The following MYPN variants were observed in gnomAD, a reference collection of about 807,000 sequenced individuals.
MYPN encodes the protein myopalladin.
MYPN carries 63 observed loss-of-function variants against 129.4 expected under a neutral mutation model. The observed-to-expected ratio is 0.49, with a 90% CI of 0.40 to 0.60. The LOEUF is 0.60. Among genes scored for constraint, MYPN ranks in the 20% least tolerant of loss-of-function variants. The probability of loss-of-function intolerance (pLI) is 0.00; values close to 1 mark genes in which losing one functional copy is unlikely to be tolerated. For missense variants in MYPN, 1,596 were observed against 1,635.4 expected (o/e 0.98, Z 0.42); for synonymous variants, 629 against 600.9 (o/e 1.05, Z -0.68).
chr10:68,119,430 GAC>G (rs2042208621), intron 1 of MYPN, among the ~76,000 whole-genome samples: 1 of 104,530 alleles, frequency 9.6e-6, no homozygotes, highest in Non-Finnish European at 2.1e-5. Flanking sequence ...TATTTATTGA[GAC>G]AGAGTTTTGC....
intron 6 of MYPN, among the ~76,000 whole-genome samples, chr10:68,152,701 T>C (rs1194085157): frequency 2.6e-5 from 4 of 152,182 alleles, no homozygotes; most frequent in Non-Finnish European, 5.9e-5. Flanking sequence ...AATGGCATGA[T>C]CTCAGCTCAC....
chr10:68,194,274 C>A, intron 13 of MYPN, 89 bp from the exon 14 acceptor site: 1 of 1,367,452 alleles, frequency 7.3e-7, no homozygotes, highest in Non-Finnish European at 1.0e-6. Flanking sequence ...TAAAAGATGG[C>A]AGTTGGCCCT....
In MYPN at chr10:68,200,986, C is replaced by T; in HGVS notation, c.3494-843C>T. Among the ~76,000 whole-genome samples, 2 of 152,104 alleles carry T rather than the reference C, an allele frequency of 1.3e-5. 1 individual carries two copies. The highest frequency in any genetic ancestry group is 3.8e-4 in the East Asian group (2 of 5,200). The stretch of plus-strand genomic sequence containing the variant: ...TTTGGAACCCTAAGACATGAGGTAC[C>T]TTTACCTAAATTTGTCCTGGCCAAA... On this transcript the variant is annotated intron_variant, in intron 17 of 19. Coordinates refer to ENST00000358913, the MANE Select transcript of MYPN (RefSeq NM_032578.4).
intron 2 of MYPN, among the ~76,000 whole-genome samples, chr10:68,138,070 A>G (rs899022037): frequency 2.7e-5 from 4 of 150,740 alleles, no homozygotes; most frequent in Admixed American, 2.6e-4. Context: ...CATCAAGGAC[A>G]TTTTTTGGTG....
intron 1 of MYPN, among the ~76,000 whole-genome samples, chr10:68,116,080 T>C (rs2042152508): frequency 2.6e-5 from 4 of 152,194 alleles, no homozygotes; most frequent in Admixed American, 2.6e-4. Flanking sequence ...TCCATTAGGA[T>C]AGAGACTTTG....
rs545419806 is a variant in MYPN at position 68,131,218 on chromosome 10, G to A, written c.902+8878G>A. ...AGCCTGGCCAACATGGTGAAACCCC[G>A]TCTCTACCAAAAATACAAAAATTAG... is the stretch of plus-strand genomic sequence containing the variant. On this transcript the variant is annotated intron_variant, in intron 2 of 19. Transcript: ENST00000358913. Among the ~76,000 whole-genome samples, 12 of 152,066 alleles carry A rather than the reference G, an allele frequency of 7.9e-5. No individual in the cohort carries two copies. In the South Asian group the frequency reaches 2.1e-3, roughly 26 times the overall value.
rs555733630 is a variant in MYPN at position 68,131,159 on chromosome 10, C to T, written c.902+8819C>T. Among the ~76,000 whole-genome samples, 39 of 152,136 alleles carry T rather than the reference C, an allele frequency of 2.6e-4. 1 individual carries two copies. The highest frequency in any genetic ancestry group is 7.7e-4 in the African/African-American group (32 of 41,508). ...ATCCCAGCACTTTGGGAGGCCAAGGCGGGCAGATCACTTGAGGTCAGGAGT... is the reference window on the plus strand; with the variant it reads ...ATCCCAGCACTTTGGGAGGCCAAGGTGGGCAGATCACTTGAGGTCAGGAGT... On this transcript the variant is annotated intron_variant, in intron 2 of 19. Coordinates refer to ENST00000358913, the MANE Select transcript of MYPN (RefSeq NM_032578.4).
intron 12 of MYPN, among the ~76,000 whole-genome samples, chr10:68,175,729 C>G (rs576933451): frequency 6.6e-6 from 1 of 152,046 alleles, no homozygotes; most frequent in Non-Finnish European, 1.5e-5. Flanking sequence ...CAATCTATTG[C>G]GCATCCCAGC....
upstream of MYPN, among the ~76,000 whole-genome samples, chr10:68,104,659 T>C (rs1006559918): frequency 2.0e-5 from 3 of 152,236 alleles, no homozygotes; most frequent in African/African-American, 7.2e-5. Context: ...TCACTTCTTT[T>C]TGTTTGCTTA....
chr10:68,105,678 C>T (rs929891222), upstream of MYPN, among the ~76,000 whole-genome samples: 1 of 152,096 alleles, frequency 6.6e-6, no homozygotes, highest in African/African-American at 2.4e-5. Context: ...AATTTAATCA[C>T]CTTAAAATTA....
intron 4 of MYPN, among the ~76,000 whole-genome samples, chr10:68,145,934 CT>C (rs2134078917): frequency 6.6e-6 from 1 of 152,272 alleles, no homozygotes; most frequent in Admixed American, 6.5e-5. Flanking sequence ...TCTCTCCTGC[CT>C]TTTATGCCAA....
At chr10:68,104,214 A>T (rs1000817674), upstream of MYPN, among the ~76,000 whole-genome samples, 2 of 152,174 alleles carry the variant, frequency 1.3e-5, no homozygotes, top group Non-Finnish European at 2.9e-5. Context: ...TACCTGGGTC[A>T]TGAGTAAGAA....
rs780000855 is a variant in MYPN, at chr10:68,174,646, G to A, written c.2554G>A (p.Ala852Thr). 4 of 1,613,944 alleles carry A rather than the reference G, an allele frequency of 2.5e-6. No individual in the cohort carries two copies. Among genetic ancestry groups the A allele is most frequent in the Non-Finnish European group, 3.4e-6 (4 of 1,179,944 alleles). The change falls in exon 11 of 20, where the codon GCA becomes ACA. Residue 852 changes from alanine (A) to threonine (T), a missense_variant. Coordinates refer to ENST00000358913, the MANE Select transcript of MYPN (RefSeq NM_032578.4). ...PTNAMGLPRSAPSMPSQGLAK... is the reference protein window; with the variant it reads ...PTNAMGLPRSTPSMPSQGLAK... ...AAATGCCATGGGGCTGCCTAGAAGT[G>A]CACCATCCATGTAAGTGTCATTGAG...
intron 12 of MYPN, among the ~76,000 whole-genome samples, chr10:68,176,259 T>A (rs2043226006): frequency 6.6e-6 from 1 of 152,226 alleles, no homozygotes; most frequent in African/African-American, 2.4e-5. Context: ...CCTGTGAGCA[T>A]CATTCAAACA....
At chr10:68,156,621 A>G (rs1485040423) in intron 6 of MYPN, among the ~76,000 whole-genome samples, 2 of 152,212 alleles carry the variant, frequency 1.3e-5, no homozygotes, top group Non-Finnish European at 2.9e-5. Flanking sequence ...AGTCTCTTAC[A>G]CAGCTAATGC....
chr10:68,093,044 TA>T (rs1386137826), intron 1 of MYPN, among the ~76,000 whole-genome samples: 2 of 152,142 alleles, frequency 1.3e-5, no homozygotes, highest in Admixed American at 6.5e-5. Context: ...AGATAATTTT[TA>T]TTTTTTTTAG....
chr10:68,115,820 C>T (rs927510869), intron 1 of MYPN, among the ~76,000 whole-genome samples: 6 of 152,174 alleles, frequency 3.9e-5, no homozygotes, highest in East Asian at 1.9e-4. Context: ...CGCACTTCTT[C>T]GCTCACTGGG....
rs760957828 is a variant in MYPN, at chr10:68,175,381, A to G, written c.2623A>G (p.Asn875Asp). 1.9e-6 allele frequency: 3 copies of G among 1,614,150 alleles called. No individual in the cohort carries two copies. Among genetic ancestry groups the G allele is most frequent in the Non-Finnish European group, 2.5e-6 (3 of 1,179,998 alleles). Reference protein sequence around the residue: ...TKSPQPVNDDNIRETKNAVIR... With the variant: ...TKSPQPVNDDDIRETKNAVIR... Reference sequence around the variant, plus strand: ...GTCTCCTCAACCAGTGAATGATGATAACATTCGTGAAACTAAGAACGCAGT... The same window carrying G: ...GTCTCCTCAACCAGTGAATGATGATGACATTCGTGAAACTAAGAACGCAGT... The change falls in exon 12 of 20, where the codon AAC becomes GAC. Residue 875 changes from asparagine to aspartate, a missense_variant. By Grantham distance (23) the Asn-to-Asp change is conservative. Coordinates refer to ENST00000358913, the MANE Select transcript of MYPN (RefSeq NM_032578.4).
At chr10:68,130,286 C>T (rs1046446874) in intron 2 of MYPN, among the ~76,000 whole-genome samples, 1 of 152,060 alleles carries the variant, frequency 6.6e-6, no homozygotes, top group African/African-American at 2.4e-5. Context: ...ATTGTGAAAA[C>T]CCGTCTCTAC....
Sources: gnomAD v4.1 joint callset for allele counts (sites outside exome capture counted in the v4.1 genomes callset) on GRCh38, gnomAD v4.1.1 for gene constraint, MANE v1.5 for transcripts, NCBI Gene and HGNC (gene_info 2026-07-23, HGNC 2026-07-21) for gene names.